Variants in SLC4A8 observed in about 807,000 individuals in gnomAD.
SLC4A8 encodes electroneutral sodium bicarbonate exchanger 1.
Under a neutral mutation model 125.0 loss-of-function variants are expected in SLC4A8, and 40 were observed. The ratio of observed to expected loss-of-function variants is 0.32; its 90% CI spans 0.25 to 0.42. The LOEUF is 0.42. SLC4A8 is among the 10% of genes least tolerant of loss of function. The pLI, the probability that SLC4A8 is intolerant of heterozygous loss-of-function variation, is 1.00. For missense variants in SLC4A8, 863 were observed against 1,355.1 expected (o/e 0.64, Z 5.70); for synonymous variants, 456 against 476.0 (o/e 0.96, Z 0.55).
chr12:51,500,705 G>A (rs1462224654), intron 22 of SLC4A8, among the ~76,000 whole-genome samples: 1 of 143,000 alleles, frequency 7.0e-6, no homozygotes, highest in African/African-American at 2.6e-5. Flanking sequence ...CTTTTTTTTT[G>A]AGATGGAGTC....
Position 51,410,462 on chromosome 12 carries a change from T to C in SLC4A8, c.-112+18974T>C, listed in dbSNP as rs12582245. On this transcript the variant is annotated intron_variant, in intron 1 of 24. Transcript: ENST00000358657. ...GCATCTGGTGTTGAAATTAATCTCT[T>C]TTTTTTTTTTTGAGATGGAGTTTTC... is the stretch of plus-strand genomic sequence containing the variant. Among the ~76,000 whole-genome samples, 273 of 145,760 alleles carry C rather than the reference T, an allele frequency of 1.9e-3. 1 individual carries two copies. The highest frequency in any genetic ancestry group is 6.4e-3 in the African/African-American group (247 of 38,418).
rs575242988 is a variant in SLC4A8 at position 51,469,553 on chromosome 12, T to C, written c.1350-61T>C. 2.7e-6 allele frequency: 4 copies of C among 1,455,152 alleles called. No homozygotes were observed. The African/African-American group carries it at 5.6e-5, about 20-fold the overall frequency. The allele number at this position is 1,455,152 out of a possible 1,614,324, so 90.1% of individuals were successfully genotyped here. On this transcript the variant is annotated intron_variant, in intron 11 of 24. Transcript: ENST00000453097. ...ATTTGAAATGCTTTCAAATGTGTGC[T>C]GTTTACATGCTTTTAGGGAAGACGG...
At chr12:51,463,576 A>C (rs199701012) in intron 10 of SLC4A8, 38 bp from the exon 11 acceptor site, 1 of 1,479,846 alleles carries the variant, frequency 6.8e-7, no homozygotes, top group African/African-American at 1.4e-5. Flanking sequence ...GAAAAGATAG[A>C]TGTTACCTTT....
chr12:51,455,771 C>T (rs1339376789), intron 5 of SLC4A8, among the ~76,000 whole-genome samples: 2 of 152,130 alleles, frequency 1.3e-5, no homozygotes, highest in East Asian at 1.9e-4. Flanking sequence ...GACATTGGGC[C>T]CCCCTCTTTT....
chr12:51,440,068 G>A (rs1037382567), intron 1 of SLC4A8, among the ~76,000 whole-genome samples: 1 of 152,164 alleles, frequency 6.6e-6, no homozygotes, highest in Non-Finnish European at 1.5e-5. Context: ...TGAGACAGAG[G>A]AGGCCTGATA....
intron 16 of SLC4A8, among the ~76,000 whole-genome samples, chr12:51,478,568 G>A (rs1950926286): frequency 6.6e-6 from 1 of 152,184 alleles, no homozygotes; most frequent in African/African-American, 2.4e-5. Flanking sequence ...GTGATGAAAA[G>A]TAGAATGATA....
At position 51,488,734 on chromosome 12, in the gene SLC4A8, C is replaced by T. The variant is rs769269439; in HGVS notation, c.2322C>T (p.Pro774=). The change falls in exon 18 of 25, where the codon CCC becomes CCT. Residue 774 remains proline, a synonymous_variant. Coordinates refer to ENST00000453097, the MANE Select transcript of SLC4A8 (RefSeq NM_001039960.3). The part of the protein sequence containing the change: ...TRDDRGWIIN[P]IGPNPWWTVI... Reference sequence around the variant, plus strand: ...ATGATCGCGGATGGATTATTAATCCCATTGGCCCCAATCCCTGGTGGACTG... The same window carrying T: ...ATGATCGCGGATGGATTATTAATCCTATTGGCCCCAATCCCTGGTGGACTG... 13 of 1,613,892 alleles carry T rather than the reference C, an allele frequency of 8.1e-6. No homozygotes were observed. In the East Asian group the frequency reaches 1.1e-4, roughly 14 times the overall value.
chr12:51,424,050 A>AC (rs59594098), upstream of SLC4A8, among the ~76,000 whole-genome samples: 9,807 of 69,690 alleles, frequency 0.14, 1,081 homozygotes, highest in Middle Eastern at 0.2. Flanking sequence ...AAAAAAAAAA[A>AC]AAACAAAAAA....
chr12:51,470,598 C>G, intron 13 of SLC4A8, 73 bp downstream of exon 13: 1 of 1,361,612 alleles, frequency 7.3e-7, no homozygotes, highest in Non-Finnish European at 1.0e-6. Flanking sequence ...TGTCAGGGTT[C>G]TACTCAGTAC....
At position 51,504,017 on chromosome 12, in the gene SLC4A8, T is replaced by C. The variant is rs943134681; in HGVS notation, c.3082-12T>C. The C allele has an allele frequency of 1.5e-5, 22 of 1,515,816 alleles. No homozygotes were observed. Among genetic ancestry groups the C allele is most frequent in the Non-Finnish European group, 1.9e-5 (21 of 1,109,124 alleles). 93.9% of individuals were successfully genotyped at this position (1,515,816 alleles called of 1,614,324 possible). ...TTGGTCCAAGATATAATAATGTTTC[T>C]TTTTCTTCCAGGAGGCTGAGAAAAT... On this transcript the variant is annotated splice_polypyrimidine_tract_variant and intron_variant, in intron 22 of 24. Transcript: ENST00000453097.
chr12:51,439,609 A>G (rs1949530721), intron 1 of SLC4A8, among the ~76,000 whole-genome samples: 1 of 151,700 alleles, frequency 6.6e-6, no homozygotes. Flanking sequence ...TGGTTCCAGA[A>G]CTAAAAAAAA....
At chr12:51,497,863 A>C (rs71449807) in intron 22 of SLC4A8, 1 of 115,992 alleles carries the variant, frequency 8.6e-6, no homozygotes. Flanking sequence ...CCCTGTCTCT[A>C]CAAAAAAAAA....
At chr12:51,451,987 C>A in intron 3 of SLC4A8, 137 bp from the exon 4 acceptor site, 1 of 827,648 alleles carries the variant, frequency 1.2e-6, no homozygotes, top group Non-Finnish European at 1.9e-6. Flanking sequence ...AGCTTTTTCT[C>A]TGAGAATAAA....
intron 2 of SLC4A8, among the ~76,000 whole-genome samples, chr12:51,448,528 G>A (rs996294487): frequency 6.6e-6 from 1 of 152,182 alleles, no homozygotes; most frequent in Non-Finnish European, 1.5e-5. Flanking sequence ...GCACTAAAAA[G>A]GAAGAAAAGG....
At position 51,410,881 on chromosome 12, in the gene SLC4A8, T is replaced by C. The variant is rs541295355; in HGVS notation, c.-112+19393T>C. On this transcript the variant is annotated intron_variant, in intron 1 of 24. Coordinates refer to the SLC4A8 transcript ENST00000358657. Reference sequence around the variant, plus strand: ...CTTTTCTTTTCTTTTCTTTTCTTTTTTTTTTTTTTTTGAGACAGGCTCTCA... The same window carrying C: ...CTTTTCTTTTCTTTTCTTTTCTTTTCTTTTTTTTTTTGAGACAGGCTCTCA... Among the ~76,000 whole-genome samples, 18 of 146,608 alleles carry C rather than the reference T, an allele frequency of 1.2e-4. 1 individual carries two copies. Among genetic ancestry groups the C allele is most frequent in the Admixed American group, 5.4e-4 (8 of 14,830 alleles).
At chr12:51,452,819 G>A (rs1179863726) in intron 4 of SLC4A8, among the ~76,000 whole-genome samples, 4 of 152,200 alleles carry the variant, frequency 2.6e-5, no homozygotes, top group Non-Finnish European at 5.9e-5. Flanking sequence ...TCCCAGAAGA[G>A]CCCTCAGGAT....
chr12:51,429,746 C>A (rs945861280), intron 1 of SLC4A8, among the ~76,000 whole-genome samples: 1 of 151,512 alleles, frequency 6.6e-6, no homozygotes, highest in Admixed American at 6.6e-5. Flanking sequence ...TGGTCTCAAG[C>A]GATCCTCACC....
At chr12:51,481,791 A>AT (rs1026261703) in intron 16 of SLC4A8, among the ~76,000 whole-genome samples, 3 of 144,382 alleles carry the variant, frequency 2.1e-5, no homozygotes, top group African/African-American at 7.7e-5. Flanking sequence ...AAGTATATAT[A>AT]AAAAAAAAAA....
chr12:51,406,727 C>T (rs12303675), intron 1 of SLC4A8, among the ~76,000 whole-genome samples: 63,046 of 152,022 alleles, frequency 0.41, 13,338 homozygotes, highest in Middle Eastern at 0.46. Flanking sequence ...CCAGGCCCCA[C>T]GTGCAGCAAT....
Sources: gnomAD v4.1 joint callset for allele counts (sites outside exome capture counted in the v4.1 genomes callset) on GRCh38, gnomAD v4.1.1 for gene constraint, MANE v1.5 for transcripts, NCBI Gene and HGNC (gene_info 2026-07-23, HGNC 2026-07-21) for gene names.